The following CSMD2 variants were observed in gnomAD, a reference collection of about 807,000 sequenced individuals.
The protein encoded by CSMD2 is CUB and Sushi multiple domains 2, also known as CUB and sushi domain-containing protein 2.
In CSMD2, 130 loss-of-function variants were observed where a neutral mutation model predicts 398.5. That is an observed-to-expected ratio of 0.33 (90% CI 0.28 to 0.38). CSMD2 has a LOEUF of 0.38. Among genes scored for constraint, CSMD2 ranks in the 10% least tolerant of loss-of-function variants. The pLI, the probability that CSMD2 is intolerant of heterozygous loss-of-function variation, is 1.00. For synonymous variants in CSMD2, 1,828 were observed against 1,908.5 expected (o/e 0.96, Z 1.10); for missense variants, 3,829 against 4,764.9 (o/e 0.80, Z 5.78).
In CSMD2 at chr1:33,624,966, A is replaced by G; in HGVS notation, c.5500+85T>C. On this transcript the variant is annotated intron_variant, in intron 34 of 70. Transcript: ENST00000373381. This position sits in a 1 kb window ranked among gnomAD's most constrained non-coding sequence, Gnocchi z 4.7. Reference sequence around the variant, plus strand: ...AAGCGGCTGCTGTGTGTCGTGGGGCATCACTGGGGCTGACTGCCTCCCCTA... The same window carrying G: ...AAGCGGCTGCTGTGTGTCGTGGGGCGTCACTGGGGCTGACTGCCTCCCCTA... 1 of 1,361,316 alleles carries G rather than the reference A, an allele frequency of 7.3e-7. No individual in the cohort carries two copies. The highest frequency in any genetic ancestry group is 1.0e-6 in the Non-Finnish European group (1 of 959,512). The allele number at this position is 1,361,316 out of a possible 1,614,324, so 84.3% of individuals were successfully genotyped here.
intron 3 of CSMD2, among the ~76,000 whole-genome samples, chr1:33,969,887 G>T (rs1002088154): frequency 1.3e-5 from 2 of 151,894 alleles, no homozygotes; most frequent in African/African-American, 2.4e-5. Flanking sequence ...CCAGGTGGGC[G>T]GATCACCTGA....
intron 2 of CSMD2, among the ~76,000 whole-genome samples, chr1:34,037,954 G>C (rs1651359315): frequency 6.6e-6 from 1 of 152,128 alleles, no homozygotes; most frequent in South Asian, 2.1e-4. Context: ...CAGCTTGCTA[G>C]GCATTTTCTC....
At chr1:34,157,097 G>T (rs1640876096) in intron 1 of CSMD2, among the ~76,000 whole-genome samples, 1 of 152,140 alleles carries the variant, frequency 6.6e-6, no homozygotes, top group Non-Finnish European at 1.5e-5. Flanking sequence ...TGGTTTCCTG[G>T]TGGTGGCCAC....
At chr1:34,105,626 A>G (rs1660456340) in intron 1 of CSMD2, among the ~76,000 whole-genome samples, 1 of 152,202 alleles carries the variant, frequency 6.6e-6, no homozygotes, top group Non-Finnish European at 1.5e-5. Context: ...GTCTTAAAAT[A>G]TGTAAAACAA....
chr1:33,990,977 T>C (rs1017361716), intron 3 of CSMD2, among the ~76,000 whole-genome samples: 1 of 151,994 alleles, frequency 6.6e-6, no homozygotes, highest in Non-Finnish European at 1.5e-5. Context: ...GTGTTTGTTA[T>C]TTATGTGAAA....
At chr1:33,831,566 T>G (rs1320622416) in intron 6 of CSMD2, among the ~76,000 whole-genome samples, 3 of 151,380 alleles carry the variant, frequency 2.0e-5, no homozygotes, top group Admixed American at 2.0e-4. Context: ...CATGCCAAAA[T>G]GTAAAGACCA....
In CSMD2 at chr1:33,586,611, A is replaced by G; in HGVS notation, c.6944T>C (p.Ile2315Thr). 6.2e-7 allele frequency: 1 copy of G among 1,609,090 alleles called. No homozygotes were observed. The highest frequency in any genetic ancestry group is 1.7e-5 in the Admixed American group (1 of 59,984). Residue 2315 changes from isoleucine (I) to threonine (T), a missense_variant, in exon 46 of 71, where the codon ATC (isoleucine) becomes ACC (threonine). Transcript: ENST00000373381. The stretch of plus-strand genomic sequence containing the variant: ...GCCAGGGAGGCATCTGTAGCGTACG[A>G]TGTCACCTGTCAAAGAAAGACCAAC... ...TENEEFNIGD[I>T]VRYRCLPGFT... is the part of the protein sequence containing the mutation.
chr1:33,764,622 A>G (rs867085619), intron 13 of CSMD2, among the ~76,000 whole-genome samples: 1 of 152,162 alleles, frequency 6.6e-6, no homozygotes, highest in African/African-American at 2.4e-5. Context: ...AAATGAGGGG[A>G]ATGTTACATT....
At chr1:33,937,847 G>A (rs1329691378) in intron 3 of CSMD2, among the ~76,000 whole-genome samples, 1 of 152,246 alleles carries the variant, frequency 6.6e-6, no homozygotes, top group Non-Finnish European at 1.5e-5. Context: ...ACAACGCCCA[G>A]AACATAGTAG....
At chr1:34,047,609 A>G (rs1223942471) in intron 2 of CSMD2, among the ~76,000 whole-genome samples, 1 of 152,172 alleles carries the variant, frequency 6.6e-6, no homozygotes, top group Non-Finnish European at 1.5e-5. Context: ...CCCAGTATTG[A>G]GAACAGCACC....
chr1:33,634,336 C>T (rs1021972371), intron 31 of CSMD2, among the ~76,000 whole-genome samples: 3 of 152,320 alleles, frequency 2.0e-5, no homozygotes, highest in Non-Finnish European at 2.9e-5. Context: ...AAATGTTTGG[C>T]GAACGCCTCA....
At chr1:33,956,307 G>A (rs892384144) in intron 3 of CSMD2, among the ~76,000 whole-genome samples, 3 of 151,090 alleles carry the variant, frequency 2.0e-5, no homozygotes, top group African/African-American at 4.9e-5. Flanking sequence ...TACCCACTAC[G>A]CAATAACACT....
intron 5 of CSMD2, among the ~76,000 whole-genome samples, chr1:33,866,973 C>T (rs527970547): frequency 6.6e-6 from 1 of 152,322 alleles, no homozygotes; most frequent in African/African-American, 2.4e-5. Flanking sequence ...AGCGGATATA[C>T]TCTAGGGTGG....
At chr1:33,606,072 C>G in intron 41 of CSMD2, 1 of 1,505,028 alleles carries the variant, frequency 6.6e-7, no homozygotes, top group Non-Finnish European at 8.9e-7. Context: ...CTCCAAAGGG[C>G]AGGGAAGCTG....
At chr1:33,782,161 G>A (rs1185768772) in intron 12 of CSMD2, among the ~76,000 whole-genome samples, 1 of 152,072 alleles carries the variant, frequency 6.6e-6, no homozygotes, top group Admixed American at 6.6e-5. Context: ...GCCATCCTAC[G>A]AGAAACCTGC....
chr1:33,676,161 A>G lies in CSMD2; in HGVS notation c.4053-13069T>C, dbSNP rs936097073. On this transcript the variant is annotated intron_variant, in intron 25 of 70. Coordinates refer to ENST00000373381, the MANE Select transcript of CSMD2 (RefSeq NM_001281956.2). ...GGGTATTCAATTAGGAAAAGAGGAA[A>G]TAAAATTGTCCCTGTTTGCAGATGA... Among the ~76,000 whole-genome samples the G allele has an allele frequency of 8.5e-5, 13 of 152,280 alleles. No homozygotes were observed. In the South Asian group the frequency reaches 2.1e-3, roughly 24 times the overall value.
chr1:33,825,842 G>C (rs1214348355), intron 6 of CSMD2, 68 bp from the exon 7 acceptor site: 6 of 1,290,732 alleles, frequency 4.6e-6, no homozygotes, highest in Non-Finnish European at 6.6e-6. Context: ...GGTCCCTCTA[G>C]AAGGATTCCC....
chr1:33,927,801 G>A (rs776823877), intron 4 of CSMD2, among the ~76,000 whole-genome samples: 11 of 152,174 alleles, frequency 7.2e-5, no homozygotes, highest in Non-Finnish European at 1.3e-4. Context: ...GGGCCTTTGT[G>A]CTGCCTCAAA....
intron 23 of CSMD2, 29 bp downstream of exon 23, chr1:33,700,488 T>C: frequency 6.2e-7 from 1 of 1,610,976 alleles, no homozygotes; most frequent in Non-Finnish European, 8.5e-7. Context: ...CCTGACTTCC[T>C]TGTCCACACA....
Sources: allele counts gnomAD v4.1 joint callset (sites outside exome capture counted in the v4.1 genomes callset), GRCh38; gene constraint gnomAD v4.1.1; non-coding constraint Gnocchi (gnomAD v3.1); transcripts MANE v1.5; gene names NCBI Gene and HGNC (gene_info 2026-07-23, HGNC 2026-07-21).